The following SLC25A42 variants were observed in gnomAD, a reference collection of about 807,000 sequenced individuals.
SLC25A42 encodes the protein solute carrier family 25 member 42, also known as mitochondrial coenzyme A transporter SLC25A42.
Under a neutral mutation model 34.7 loss-of-function variants are expected in SLC25A42, and 19 were observed. The ratio of observed to expected loss-of-function variants is 0.55; its 90% CI spans 0.38 to 0.80. SLC25A42 has a LOEUF of 0.80. SLC25A42 is among the 30% of genes least tolerant of loss of function. The pLI, the probability that SLC25A42 is intolerant of heterozygous loss-of-function variation, is 0.00. For synonymous variants in SLC25A42, 205 were observed against 191.2 expected (o/e 1.07, Z -0.59); for missense variants, 364 against 441.3 (o/e 0.82, Z 1.57).
In SLC25A42 at chr19:19,107,975, C is replaced by T. The variant is rs768365839; in HGVS notation, c.579C>T (p.Thr193=). 8 of 1,613,516 alleles carry T rather than the reference C, an allele frequency of 5.0e-6. No individual in the cohort carries two copies. The highest frequency in any genetic ancestry group is 2.2e-5 in the East Asian group (1 of 44,860). The change falls in exon 7 of 8, where the codon ACC becomes ACT. Residue 193 remains threonine (T), a synonymous_variant. Coordinates refer to ENST00000318596, the MANE Select transcript of SLC25A42 (RefSeq NM_178526.5). ...LKTLYHGFMP[T]VLGVIPYAGL... Reference sequence around the variant, plus strand: ...CTCTCTACCATGGATTTATGCCCACCGTGCTGGGGGTCATTCCCTACGCTG... The same window carrying T: ...CTCTCTACCATGGATTTATGCCCACTGTGCTGGGGGTCATTCCCTACGCTG...
intron 1 of SLC25A42, among the ~76,000 whole-genome samples, chr19:19,080,202 A>C (rs924496479): frequency 6.6e-5 from 10 of 152,132 alleles, no homozygotes; most frequent in African/African-American, 1.9e-4. Flanking sequence ...CACTTGCCTG[A>C]GGGTGCTCAT....
Position 19,092,172 on chromosome 19 carries a change from AT to A in SLC25A42, c.-34-3917del, listed in dbSNP as rs371899025. 1.9e-3 allele frequency among the ~76,000 whole-genome samples: 296 copies of A among 152,278 alleles called. 1 individual carries two copies. Among genetic ancestry groups the A allele is most frequent in the African/African-American group, 6.9e-3 (286 of 41,542 alleles). On this transcript the variant is annotated intron_variant, in intron 1 of 7. Transcript: ENST00000318596. Reference sequence around the variant, plus strand: ...TCTGTCTCTTACAAGGACACCAGTCATTGCACTTAGGGCCCACCCTAACCCT... The same window carrying A: ...TCTGTCTCTTACAAGGACACCAGTCATGCACTTAGGGCCCACCCTAACCCT...
rs10706701 is a variant in SLC25A42 at position 19,088,202 on chromosome 19, A to AT, written c.-34-7868dup. Among the ~76,000 whole-genome samples, 126 of 96,726 alleles carry AT rather than the reference A, an allele frequency of 1.3e-3. 1 individual carries two copies. The highest frequency in any genetic ancestry group is 2.7e-3 in the African/African-American group (67 of 24,758). The allele number at this position is 96,726 out of a possible 152,430, so 63.5% of individuals were successfully genotyped here. A position where few individuals can be genotyped will look rare whatever the true frequency, so the allele number is the denominator to read the frequency against. On this transcript the variant is annotated intron_variant, in intron 1 of 7. Transcript: ENST00000318596. ...GCCCTGCATATAAATCTGATCTTCA[A>AT]TTTTTTTTTTTTTTTTTTTTTGAGA...
intron 1 of SLC25A42, among the ~76,000 whole-genome samples, chr19:19,083,696 G>C (rs1221941498): frequency 6.6e-6 from 1 of 151,846 alleles, no homozygotes; most frequent in Non-Finnish European, 1.5e-5. Context: ...AGTCACAGGA[G>C]CAGTGAGGAT....
chr19:19,103,917 T>TTTATTTA lies in SLC25A42; in HGVS notation c.188-995_188-989dup, dbSNP rs1427917761. Among the ~76,000 whole-genome samples the TTTATTTA allele has an allele frequency of 6.6e-3, 612 of 92,092 alleles. 4 individuals carry two copies. Among genetic ancestry groups the TTTATTTA allele is most frequent in the African/African-American group, 0.021 (590 of 28,000 alleles). 60.4% of individuals were successfully genotyped at this position (92,092 alleles called of 152,430 possible). A position where few individuals can be genotyped will look rare whatever the true frequency, so the allele number is the denominator to read the frequency against. On this transcript the variant is annotated intron_variant, in intron 3 of 7. Coordinates refer to ENST00000318596, the MANE Select transcript of SLC25A42 (RefSeq NM_178526.5). ...ATTTATTTATTTATTTATTTATTTA[T>TTTATTTA]TTATTTAGAGACAGAGTCTCTCTCT...
At chr19:19,108,145 G>A (rs1454271826) in intron 7 of SLC25A42, 100 bp downstream of exon 7, 6 of 1,382,344 alleles carry the variant, frequency 4.3e-6, no homozygotes, top group East Asian at 5.0e-5. Context: ...CAGGCGGAGT[G>A]GGGTACGACC....
chr19:19,091,182 C>T lies in SLC25A42; in HGVS notation c.-34-4909C>T, dbSNP rs183422115. 2.9e-3 allele frequency among the ~76,000 whole-genome samples: 445 copies of T among 152,266 alleles called. 1 individual carries two copies. The highest frequency in any genetic ancestry group is 0.01 in the African/African-American group (421 of 41,542). ...TCATGTAAAGGTAGTTTGGGCTGGG[C>T]GCGGTGGCTCACGCCTGTAATCCCA... On this transcript the variant is annotated intron_variant, in intron 1 of 7. Coordinates refer to ENST00000318596, the MANE Select transcript of SLC25A42 (RefSeq NM_178526.5).
intron 1 of SLC25A42, among the ~76,000 whole-genome samples, chr19:19,089,431 G>A (rs1201282806): frequency 6.6e-6 from 1 of 151,846 alleles, no homozygotes; most frequent in Non-Finnish European, 1.5e-5. Context: ...AGGAGGCTGA[G>A]GCAGGAGAAT....
chr19:19,084,430 A>G (rs1219487833), intron 1 of SLC25A42, among the ~76,000 whole-genome samples: 1 of 152,192 alleles, frequency 6.6e-6, no homozygotes, highest in Non-Finnish European at 1.5e-5. Flanking sequence ...GTATAGCATC[A>G]CATCCCCAGA....
intron 6 of SLC25A42, 89 bp from the exon 7 acceptor site, chr19:19,107,805 C>T (rs550819865): frequency 3.5e-5 from 50 of 1,417,132 alleles, no homozygotes; most frequent in East Asian, 1.4e-4. Context: ...CAGGCCCAGC[C>T]GGCTTCGGGA....
chr19:19,078,782 C>A (rs563038674), intron 1 of SLC25A42, among the ~76,000 whole-genome samples: 2 of 152,126 alleles, frequency 1.3e-5, no homozygotes, highest in Non-Finnish European at 2.9e-5. Context: ...AAGGGCCTCC[C>A]AGGGCTGGTG....
chr19:19,103,305 C>A (rs944429208), intron 3 of SLC25A42, among the ~76,000 whole-genome samples: 25 of 152,132 alleles, frequency 1.6e-4, no homozygotes, highest in Non-Finnish European at 8.8e-5. Context: ...ACGTTGGCCC[C>A]GCTGGTCTTG....
chr19:19,090,647 AAAC>A (rs139435874), intron 1 of SLC25A42, among the ~76,000 whole-genome samples: 25 of 151,848 alleles, frequency 1.6e-4, no homozygotes, highest in South Asian at 6.3e-4. Flanking sequence ...CCCCGTCTCA[AAAC>A]AACAACAACA....
chr19:19,068,623 G>T (rs540580128), intron 1 of SLC25A42, among the ~76,000 whole-genome samples: 50 of 150,728 alleles, frequency 3.3e-4, no homozygotes, highest in Non-Finnish European at 6.5e-4. Context: ...AGCCAAGATC[G>T]TGCCACTGCA....
intron 1 of SLC25A42, among the ~76,000 whole-genome samples, chr19:19,090,987 A>T (rs1381135349): frequency 1.3e-5 from 2 of 152,180 alleles, no homozygotes; most frequent in Non-Finnish European, 2.9e-5. Context: ...GCTGCAGCAA[A>T]CACGGCTCAC....
rs1463630764 is a variant in SLC25A42, at chr19:19,081,504, G to A, written c.-34-14587G>A. ...CCACTAGTTCTGACAACCTCTTCTC[G>A]CTTGGGAAGCCGAGGTGGGGGCTGA... is the stretch of plus-strand genomic sequence containing the variant. On this transcript the variant is annotated intron_variant, in intron 1 of 7. Transcript: ENST00000318596. The surrounding 1 kb of genome is among the most constrained non-coding windows in gnomAD (Gnocchi z 4.5). Among the ~76,000 whole-genome samples, 3 of 152,258 alleles carry A rather than the reference G, an allele frequency of 2.0e-5. No individual in the cohort carries two copies. Among genetic ancestry groups the A allele is most frequent in the African/African-American group, 7.2e-5 (3 of 41,556 alleles).
At chr19:19,089,678 C>T (rs2059727631) in intron 1 of SLC25A42, among the ~76,000 whole-genome samples, 1 of 151,616 alleles carries the variant, frequency 6.6e-6, no homozygotes, top group African/African-American at 2.4e-5. Flanking sequence ...GACCAGCCTG[C>T]CCAACATGGT....
intron 1 of SLC25A42, among the ~76,000 whole-genome samples, chr19:19,074,926 C>T (rs997262607): frequency 2.0e-5 from 3 of 151,954 alleles, no homozygotes; most frequent in Non-Finnish European, 4.4e-5. Context: ...AGAGGCAGGT[C>T]GACTGCTTGA....
In SLC25A42 at chr19:19,110,978, A is replaced by G. The variant is rs2090672831; in HGVS notation, c.*102A>G. 2 of 1,350,934 alleles carry G rather than the reference A, an allele frequency of 1.5e-6. No homozygotes were observed. The highest frequency in any genetic ancestry group is 2.0e-6 in the Non-Finnish European group (2 of 979,272). The allele number at this position is 1,350,934 out of a possible 1,614,324, so 83.7% of individuals were successfully genotyped here. ...CGCTTGATTCTACTTCAGGAGGCAC[A>G]TGGGGCGCTTTATGGAACGAGCAGG... On this transcript the variant is annotated 3_prime_UTR_variant, in exon 8 of 8. Transcript: ENST00000318596.
Sources: gnomAD v4.1 joint callset for allele counts (sites outside exome capture counted in the v4.1 genomes callset) on GRCh38, gnomAD v4.1.1 for gene constraint, Gnocchi (gnomAD v3.1) non-coding constraint, MANE v1.5 for transcripts, NCBI Gene and HGNC (gene_info 2026-07-23, HGNC 2026-07-21) for gene names.